Variants in BCHE observed in about 807,000 individuals in gnomAD.
BCHE encodes the protein cholinesterase.
In BCHE, 48 loss-of-function variants were observed where a neutral mutation model predicts 51.3. That is an observed-to-expected ratio of 0.94 (90% CI 0.74 to 1.19). The LOEUF (loss-of-function observed/expected upper bound fraction) is 1.19, where lower values mean the gene tolerates loss of function less well. Ranked by LOEUF, BCHE falls within the 50% of genes most tolerant of loss-of-function variation. BCHE has a pLI of 0.00. For synonymous variants in BCHE, 251 were observed against 238.0 expected, an observed-to-expected ratio of 1.05 and a Z score of -0.50; for missense variants, 847 against 708.2, an observed-to-expected ratio of 1.20 and a Z score of -2.23.
intron 1 of BCHE, among the ~76,000 whole-genome samples, chr3:165,836,098 A>C (rs922072392): frequency 2.0e-5 from 3 of 151,956 alleles, no homozygotes; most frequent in African/African-American, 7.2e-5. Context: ...TACATCCCAA[A>C]CATATTTTTA....
Position 165,830,018 on chromosome 3 carries a change from T to C in BCHE, c.1016A>G (p.Gln339Arg). The C allele has an allele frequency of 1.2e-6, 2 of 1,613,778 alleles. No individual in the cohort carries two copies. The highest frequency in any genetic ancestry group is 1.7e-6 in the Non-Finnish European group (2 of 1,179,902). The change falls in exon 2 of 4, where the codon CAA (glutamine) becomes CGA (arginine). Residue 339 changes from glutamine (Q) to arginine (R), a missense_variant. Coordinates refer to ENST00000264381, the MANE Select transcript of BCHE (RefSeq NM_000055.4). Reference protein sequence around the residue: ...DMPDILLELGQFKKTQILVGV... With the variant: ...DMPDILLELGRFKKTQILVGV... The stretch of plus-strand genomic sequence containing the variant: ...CACCAAAATCTGGGTTTTTTTAAAT[T>C]GTCCAAGTTCAAGTAATATGTCTGG...
chr3:165,800,439 T>C (rs1011716500), intron 2 of BCHE, among the ~76,000 whole-genome samples: 2 of 152,126 alleles, frequency 1.3e-5, no homozygotes, highest in African/African-American at 4.8e-5. Flanking sequence ...AAGAGAAATA[T>C]GTCTTTATTA....
intron 3 of BCHE, among the ~76,000 whole-genome samples, chr3:165,781,836 T>G (rs1406424706): frequency 1.3e-5 from 2 of 152,122 alleles, no homozygotes; most frequent in African/African-American, 4.8e-5. Context: ...GATTATAAAT[T>G]TTTATGTGGT....
chr3:165,808,535 ATGT>A (rs1038425492), intron 2 of BCHE, among the ~76,000 whole-genome samples: 2 of 152,170 alleles, frequency 1.3e-5, no homozygotes, highest in African/African-American at 4.8e-5. Flanking sequence ...ATAATCTATG[ATGT>A]TGTAAGATTA....
At position 165,773,153 on chromosome 3, in the gene BCHE, A is replaced by G. The variant is rs1712320235; in HGVS notation, c.*229T>C. The G allele has an allele frequency of 2.5e-6, 1 of 396,190 alleles. No homozygotes were observed. Among genetic ancestry groups the G allele is most frequent in the Non-Finnish European group, 4.5e-6 (1 of 222,586 alleles). The allele number at this position is 396,190 out of a possible 1,614,324, so 24.5% of individuals were successfully genotyped here. A position where few individuals can be genotyped will look rare whatever the true frequency, so the allele number is the denominator to read the frequency against. On this transcript the variant is annotated 3_prime_UTR_variant, in exon 4 of 4. Transcript: ENST00000264381. ...AGGCCATTGTTTTAATATGCACATA[A>G]TTAACTGTAGAACTTTATATTGTGA...
chr3:165,786,231 G>C lies in BCHE; in HGVS notation c.1598C>G (p.Thr533Arg). 6.2e-7 allele frequency: 1 copy of C among 1,612,068 alleles called. No individual in the cohort carries two copies. The highest frequency in any genetic ancestry group is 2.2e-5 in the East Asian group (1 of 44,736). Residue 533 changes from threonine (T) to arginine (R), a missense_variant, in exon 3 of 4, where the codon ACA becomes AGA. Transcript: ENST00000264381. Reference protein sequence around the residue: ...STEQKYLTLNTESTRIMTKLR... With the variant: ...STEQKYLTLNRESTRIMTKLR... ...TTTCGTCATTATTCTTGTTGACTCT[G>C]TATTCAAGGTTAGATATTTTTGTTC...
chr3:165,787,897 A>G (rs1350613766), intron 2 of BCHE, among the ~76,000 whole-genome samples: 1 of 152,028 alleles, frequency 6.6e-6, no homozygotes, highest in African/African-American at 2.4e-5. Context: ...TCAAGAAACT[A>G]TAAAGTTTTT....
rs1479878255 is a variant in BCHE, at chr3:165,830,908, T to C, written c.126A>G (p.Arg42=). ...CACCAAAAACTGTCAAGTTCATCCC[T>C]CTGACTTTTCCATTCTTTGTTGCAA... ...IIIATKNGKV[R]GMNLTVFGGT... Residue 42 remains arginine (R), a synonymous_variant, in exon 2 of 4, where the codon AGA becomes AGG. Coordinates refer to ENST00000264381, the MANE Select transcript of BCHE (RefSeq NM_000055.4). The C allele has an allele frequency of 6.2e-7, 1 of 1,613,954 alleles. No individual in the cohort carries two copies. The highest frequency in any genetic ancestry group is 1.7e-5 in the Admixed American group (1 of 59,962).
chr3:165,790,230 T>C (rs577363275), intron 2 of BCHE, among the ~76,000 whole-genome samples: 1 of 152,210 alleles, frequency 6.6e-6, no homozygotes, highest in South Asian at 2.1e-4. Flanking sequence ...ATTTTAACCA[T>C]GCGAACAATG....
intron 2 of BCHE, among the ~76,000 whole-genome samples, chr3:165,815,827 G>C (rs965118738): frequency 1.3e-5 from 2 of 151,954 alleles, no homozygotes; most frequent in Non-Finnish European, 2.9e-5. Flanking sequence ...GACACACAGA[G>C]AGCAGCACGT....
intron 2 of BCHE, among the ~76,000 whole-genome samples, chr3:165,822,008 A>C (rs1714542698): frequency 6.6e-6 from 1 of 151,968 alleles, no homozygotes; most frequent in Non-Finnish European, 1.5e-5. Context: ...ATAAATAATA[A>C]ATAAAATATT....
At chr3:165,826,921 G>C (rs1364582527) in intron 2 of BCHE, among the ~76,000 whole-genome samples, 1 of 152,064 alleles carries the variant, frequency 6.6e-6, no homozygotes, top group Admixed American at 6.6e-5. Context: ...CCTTTACCTT[G>C]CTGGTATCAT....
Position 165,773,127 on chromosome 3 carries a change from C to A in BCHE, c.*255G>T. ...TATTAAGGAAAGAAAGAAATTGAAC[C>A]AGGCCATTGTTTTAATATGCACATA... On this transcript the variant is annotated 3_prime_UTR_variant, in exon 4 of 4. Coordinates refer to ENST00000264381, the MANE Select transcript of BCHE (RefSeq NM_000055.4). 10 of 295,986 alleles carry A rather than the reference C, an allele frequency of 3.4e-5. No homozygotes were observed. The highest frequency in any genetic ancestry group is 2.0e-4 in the East Asian group (3 of 15,334). The allele number at this position is 295,986 out of a possible 1,614,324, so 18.3% of individuals were successfully genotyped here.
intron 3 of BCHE, among the ~76,000 whole-genome samples, chr3:165,775,920 CCTT>C (rs1385089448): frequency 6.6e-6 from 1 of 151,974 alleles, no homozygotes; most frequent in African/African-American, 2.4e-5. Flanking sequence ...TCTTTCCTCT[CCTT>C]CTTTTCTTAG....
At chr3:165,812,379 T>C (rs936598483) in intron 2 of BCHE, among the ~76,000 whole-genome samples, 3 of 151,856 alleles carry the variant, frequency 2.0e-5, no homozygotes, top group Admixed American at 6.6e-5. Flanking sequence ...TTTTACTCTA[T>C]ATATAATTTT....
intron 2 of BCHE, among the ~76,000 whole-genome samples, chr3:165,806,541 A>G (rs932596312): frequency 2.0e-5 from 3 of 152,182 alleles, no homozygotes; most frequent in Non-Finnish European, 4.4e-5. Context: ...CATAGCACCT[A>G]GCCCAGTGCC....
chr3:165,823,728 C>G (rs948116343), intron 2 of BCHE, among the ~76,000 whole-genome samples: 1 of 151,862 alleles, frequency 6.6e-6, no homozygotes, highest in South Asian at 2.1e-4. Flanking sequence ...GGTTTGCAAA[C>G]TAAAAAATCT....
At chr3:165,804,532 C>T (rs1713798960) in intron 2 of BCHE, among the ~76,000 whole-genome samples, 1 of 152,116 alleles carries the variant, frequency 6.6e-6, no homozygotes, top group South Asian at 2.1e-4. Context: ...GAGACAAGGG[C>T]ATAATCGACA....
chr3:165,791,078 C>G (rs1449228464), intron 2 of BCHE, among the ~76,000 whole-genome samples: 1 of 151,980 alleles, frequency 6.6e-6, no homozygotes, highest in South Asian at 2.1e-4. Flanking sequence ...GGGCAGGTCA[C>G]GAGGTCAGAA....
Sources: gnomAD v4.1 joint callset for allele counts (sites outside exome capture counted in the v4.1 genomes callset) on GRCh38, gnomAD v4.1.1 for gene constraint, MANE v1.5 for transcripts, NCBI Gene and HGNC (gene_info 2026-07-23, HGNC 2026-07-21) for gene names.